Variants in ABI3BP observed in about 807,000 individuals in gnomAD.
ABI3BP encodes ABI family member 3 binding protein.
A neutral mutation model predicts 268.6 loss-of-function variants in ABI3BP; 216 were observed. The ratio of observed to expected loss-of-function variants is 0.80; its 90% CI spans 0.72 to 0.90. The LOEUF is 0.90. Among genes scored for constraint, ABI3BP ranks in the 40% least tolerant of loss-of-function variants. ABI3BP has a pLI of 0.00. For synonymous variants in ABI3BP, 730 were observed against 730.0 expected (o/e 1.00, Z 0.00); for missense variants, 2,090 against 2,182.4 (o/e 0.96, Z 0.84).
At chr3:100,814,160 GCTTAA>G (rs1185130246) in intron 44 of ABI3BP, among the ~76,000 whole-genome samples, 2 of 151,614 alleles carry the variant, frequency 1.3e-5, no homozygotes, top group Non-Finnish European at 2.9e-5. Context: ...AATAGTTATT[GCTTAA>G]CTTTTCACAG....
At chr3:100,847,818 G>A in intron 18 of ABI3BP, 145 bp from the exon 19 acceptor site, 2 of 697,784 alleles carry the variant, frequency 2.9e-6, no homozygotes. Context: ...AGGAAGAATT[G>A]TTAAACTGTC....
chr3:100,915,467 G>A (rs754782040), intron 2 of ABI3BP, among the ~76,000 whole-genome samples: 1 of 152,194 alleles, frequency 6.6e-6, no homozygotes, highest in East Asian at 1.9e-4. Context: ...CCAAGTCCCT[G>A]CTGGAGGTGG....
Position 100,840,116 on chromosome 3 carries a change from C to T in ABI3BP, c.1853G>A (p.Arg618His), listed in dbSNP as rs538665614. 4.7e-5 allele frequency: 17 copies of T among 363,474 alleles called. No homozygotes were observed. Among genetic ancestry groups the T allele is most frequent in the African/African-American group, 3.1e-4 (6 of 19,124 alleles). 22.5% of individuals were successfully genotyped at this position (363,474 alleles called of 1,614,324 possible). A position where few individuals can be genotyped will look rare whatever the true frequency, so the allele number is the denominator to read the frequency against. The change falls in exon 23 of 68, where the codon CGC (arginine) becomes CAC (histidine). Residue 618 changes from arginine (R) to histidine (H), a missense_variant. Arg to His is a conservative substitution (Grantham distance 29). Coordinates refer to ENST00000471714, the MANE Select transcript of ABI3BP (RefSeq NM_001375547.2). Reference sequence around the variant, plus strand: ...TTCTGGACTAGGTGTGGTTTTAGGGCGGGGACGGGGGCGGGGGCGACGACC... The same window carrying T: ...TTCTGGACTAGGTGTGGTTTTAGGGTGGGGACGGGGGCGGGGGCGACGACC... ...RPGRRPRPRP[R>H]PKTTPSPEVP...
In ABI3BP at chr3:100,775,321, C is replaced by T. The variant is rs1161650504; in HGVS notation, c.4348G>A (p.Gly1450Ser). 6.2e-7 allele frequency: 1 copy of T among 1,605,688 alleles called. No individual in the cohort carries two copies. Among genetic ancestry groups the T allele is most frequent in the Non-Finnish European group, 8.5e-7 (1 of 1,175,766 alleles). ...KPGSAGIISSGPITTPPLRST... is the reference protein window; with the variant it reads ...KPGSAGIISSSPITTPPLRST... ...CTCAGGGGTGGTGTAGTTATTGGGCCTGATGAAATGATTCCTGTAAAGTAG... is the reference window on the plus strand; with the variant it reads ...CTCAGGGGTGGTGTAGTTATTGGGCTTGATGAAATGATTCCTGTAAAGTAG... Residue 1450 changes from glycine (G) to serine (S), a missense_variant, in exon 60 of 68, where the codon GGC (glycine) becomes AGC (serine). By Grantham distance (56) the Gly-to-Ser change is moderately conservative. Transcript: ENST00000471714.
intron 19 of ABI3BP, 120 bp from the exon 20 acceptor site, chr3:100,846,566 T>G (rs1436611953): frequency 2.3e-5 from 14 of 616,046 alleles, no homozygotes; most frequent in Non-Finnish European, 2.7e-6. Context: ...CTCATCGTCT[T>G]GGAAGATTTT....
At chr3:100,896,757 T>C (rs1180551990) in intron 4 of ABI3BP, among the ~76,000 whole-genome samples, 1 of 152,182 alleles carries the variant, frequency 6.6e-6, no homozygotes, top group Non-Finnish European at 1.5e-5. Context: ...AGGAGGCATG[T>C]TCTTTTGAGT....
At chr3:100,936,897 T>C (rs2066404886) in intron 1 of ABI3BP, among the ~76,000 whole-genome samples, 1 of 152,138 alleles carries the variant, frequency 6.6e-6, no homozygotes, top group Non-Finnish European at 1.5e-5. Flanking sequence ...GCTAGTGGTC[T>C]ATCTATTTTG....
chr3:100,866,942 A>G lies in ABI3BP; in HGVS notation c.925T>C (p.Leu309=). Reference sequence around the variant, plus strand: ...GTTTTAGATTCGGCAGGTAATGCCAAGGTTTCATTCTTAGCTAAAAAGTCA... The same window carrying G: ...GTTTTAGATTCGGCAGGTAATGCCAGGGTTTCATTCTTAGCTAAAAAGTCA... The part of the protein sequence containing the change: ...LKTQLAKNET[L]ALPAESKTPE... The change falls in exon 10 of 68, where the codon TTG becomes CTG. Residue 309 remains leucine (L), a synonymous_variant. Coordinates refer to ENST00000471714, the MANE Select transcript of ABI3BP (RefSeq NM_001375547.2). The G allele has an allele frequency of 6.2e-7, 1 of 1,613,852 alleles. No individual in the cohort carries two copies. The highest frequency in any genetic ancestry group is 8.5e-7 in the Non-Finnish European group (1 of 1,179,794).
intron 6 of ABI3BP, among the ~76,000 whole-genome samples, chr3:100,883,808 T>C (rs1165683036): frequency 6.6e-6 from 1 of 152,096 alleles, no homozygotes; most frequent in African/African-American, 2.4e-5. Context: ...TGATTAGCAT[T>C]GTGAACAAAG....
intron 54 of ABI3BP, 69 bp downstream of exon 54, chr3:100,794,854 T>C: frequency 8.9e-7 from 1 of 1,126,778 alleles, no homozygotes; most frequent in Non-Finnish European, 1.3e-6. Flanking sequence ...ACATAATGTA[T>C]TATGGTTACT....
chr3:100,829,174 T>C lies in ABI3BP; in HGVS notation c.2542+407A>G, dbSNP rs72932521. On this transcript the variant is annotated intron_variant, in intron 33 of 67. Coordinates refer to ENST00000471714, the MANE Select transcript of ABI3BP (RefSeq NM_001375547.2). Reference sequence around the variant, plus strand: ...AAAAAGAAGAAGAAGAAGAAGAAAATACTACAGGGACTATATGGCCCAGAA... The same window carrying C: ...AAAAAGAAGAAGAAGAAGAAGAAAACACTACAGGGACTATATGGCCCAGAA... Among the ~76,000 whole-genome samples, 700 of 151,594 alleles carry C rather than the reference T, an allele frequency of 4.6e-3. 8 individuals are homozygous for C. Among genetic ancestry groups the C allele is most frequent in the African/African-American group, 0.016 (674 of 41,366 alleles).
Position 100,829,681 on chromosome 3 carries a change from T to A in ABI3BP, c.2459-17A>T, listed in dbSNP as rs2098450711. 2 of 1,526,186 alleles carry A rather than the reference T, an allele frequency of 1.3e-6. No homozygotes were observed. The highest frequency in any genetic ancestry group is 4.9e-5 in the East Asian group (2 of 40,886). The allele number at this position is 1,526,186 out of a possible 1,614,324, so 94.5% of individuals were successfully genotyped here. Reference sequence around the variant, plus strand: ...CTTTGGGAGCTAAAGGAAGAAAACTTCAGGTTAATACAGCGTGTTTGGTTC... The same window carrying A: ...CTTTGGGAGCTAAAGGAAGAAAACTACAGGTTAATACAGCGTGTTTGGTTC... On this transcript the variant is annotated splice_polypyrimidine_tract_variant and intron_variant, in intron 32 of 67. Coordinates refer to ENST00000471714, the MANE Select transcript of ABI3BP (RefSeq NM_001375547.2).
At chr3:100,797,916 G>C (rs530238077) in intron 51 of ABI3BP, among the ~76,000 whole-genome samples, 1 of 151,842 alleles carries the variant, frequency 6.6e-6, no homozygotes, top group South Asian at 2.1e-4. Context: ...TTTGCATGTG[G>C]TTTTTTTTGG....
intron 1 of ABI3BP, among the ~76,000 whole-genome samples, chr3:100,963,912 G>T (rs1260401548): frequency 6.6e-6 from 1 of 152,104 alleles, no homozygotes; most frequent in East Asian, 1.9e-4. Context: ...TCTTATAAAA[G>T]CCTCCTCTGA....
chr3:100,830,496 G>C, intron 32 of ABI3BP, 82 bp downstream of exon 32: 4 of 1,183,742 alleles, frequency 3.4e-6, no homozygotes, highest in Non-Finnish European at 4.8e-6. Flanking sequence ...TGTGAAGCGG[G>C]AGAAGCTGTG....
chr3:100,909,763 G>A (rs2055401018), intron 2 of ABI3BP, among the ~76,000 whole-genome samples: 1 of 152,114 alleles, frequency 6.6e-6, no homozygotes, highest in Non-Finnish European at 1.5e-5. Context: ...AAAAAGTCAG[G>A]AAACAACAGA....
chr3:100,981,703 C>T (rs2089553043), intron 1 of ABI3BP, among the ~76,000 whole-genome samples: 1 of 152,196 alleles, frequency 6.6e-6, no homozygotes, highest in Admixed American at 6.5e-5. Context: ...TCAGGGAGAG[C>T]TGGATGAGAG....
intron 63 of ABI3BP, among the ~76,000 whole-genome samples, chr3:100,764,462 G>T (rs1264128242): frequency 6.6e-6 from 1 of 152,114 alleles, no homozygotes; most frequent in African/African-American, 2.4e-5. Context: ...AAACAAATTG[G>T]GTTTAAAATG....
Position 100,850,722 on chromosome 3 carries a change from C to T in ABI3BP, c.1364G>A (p.Arg455His), listed in dbSNP as rs553697655. ...TTTAGGTGGGATAGAATCCAGAATA[C>T]GATCACTTGTTGCTGTTGGAATAAA... ...ISDSYTATSDRILDSIPPKTS... is the reference protein window; with the variant it reads ...ISDSYTATSDHILDSIPPKTS... Residue 455 changes from arginine (R) to histidine (H), a missense_variant, in exon 16 of 68, where the codon CGT becomes CAT. Coordinates refer to ENST00000471714, the MANE Select transcript of ABI3BP (RefSeq NM_001375547.2). The T allele has an allele frequency of 1.2e-5, 19 of 1,611,676 alleles. No homozygotes were observed. The highest frequency in any genetic ancestry group is 9.4e-5 in the African/African-American group (7 of 74,842).
Sources: allele counts gnomAD v4.1 joint callset (sites outside exome capture counted in the v4.1 genomes callset), GRCh38; gene constraint gnomAD v4.1.1; transcripts MANE v1.5; gene names NCBI Gene and HGNC (gene_info 2026-07-23, HGNC 2026-07-21).